The following KIAA1549L variants were observed in gnomAD, a reference collection of about 807,000 sequenced individuals.
KIAA1549L encodes the protein UPF0606 protein KIAA1549L.
In KIAA1549L, 88 loss-of-function variants were observed where a neutral mutation model predicts 160.7. That is an observed-to-expected ratio of 0.55 (90% CI 0.46 to 0.65). The LOEUF (loss-of-function observed/expected upper bound fraction) is 0.65. Among genes scored for constraint, KIAA1549L ranks in the 30% least tolerant of loss-of-function variants. The probability of loss-of-function intolerance (pLI) is 0.00; values close to 1 mark genes in which losing one functional copy is unlikely to be tolerated. For synonymous variants in KIAA1549L, 950 were observed against 976.7 expected, an observed-to-expected ratio of 0.97 and a Z score of 0.51; for missense variants, 2,258 against 2,437.5, an observed-to-expected ratio of 0.93 and a Z score of 1.55.
At chr11:33,417,192 C>T (rs1035507545) in intron 1 of KIAA1549L, among the ~76,000 whole-genome samples, 5 of 152,136 alleles carry the variant, frequency 3.3e-5, no homozygotes, top group East Asian at 1.9e-4. Context: ...CATACAACAT[C>T]GGACAATACA....
intron 9 of KIAA1549L, among the ~76,000 whole-genome samples, chr11:33,569,836 T>G (rs1855183643): frequency 6.6e-6 from 1 of 152,176 alleles, no homozygotes; most frequent in South Asian, 2.1e-4. Flanking sequence ...CTTTTCCAAA[T>G]GACAGGAAGA....
chr11:33,487,560 C>G (rs1305402803), intron 1 of KIAA1549L, among the ~76,000 whole-genome samples: 1 of 152,122 alleles, frequency 6.6e-6, no homozygotes, highest in African/African-American at 2.4e-5. Context: ...GGTGGCCATT[C>G]TTTTCTGCCT....
chr11:33,420,635 G>T (rs886402700), intron 1 of KIAA1549L, among the ~76,000 whole-genome samples: 5 of 152,122 alleles, frequency 3.3e-5, no homozygotes, highest in African/African-American at 9.7e-5. Context: ...AAGAGAGTGA[G>T]GACTGAACCA....
intron 1 of KIAA1549L, among the ~76,000 whole-genome samples, chr11:33,530,099 A>T (rs189516007): frequency 4.5e-4 from 69 of 152,108 alleles, no homozygotes; most frequent in African/African-American, 1.6e-3. Flanking sequence ...GTAAAAATTA[A>T]TATGAAACCT....
intron 12 of KIAA1549L, among the ~76,000 whole-genome samples, chr11:33,596,548 G>A (rs1313349380): frequency 6.6e-6 from 1 of 152,106 alleles, no homozygotes; most frequent in East Asian, 1.9e-4. Flanking sequence ...ACCAGCCTGG[G>A]CAACATGATG....
intron 1 of KIAA1549L, among the ~76,000 whole-genome samples, chr11:33,401,900 G>A (rs961944094): frequency 3.3e-5 from 5 of 152,294 alleles, no homozygotes; most frequent in East Asian, 1.9e-4. Context: ...TCAAAGATGC[G>A]GAAGCCAGGT....
chr11:33,648,934 A>G (rs556700562), intron 17 of KIAA1549L, among the ~76,000 whole-genome samples: 2 of 152,336 alleles, frequency 1.3e-5, no homozygotes, highest in East Asian at 3.9e-4. Context: ...TGTCTACTGG[A>G]CACAGCTAAG....
At chr11:33,583,885 A>G (rs1007977178) in intron 11 of KIAA1549L, among the ~76,000 whole-genome samples, 48 of 152,226 alleles carry the variant, frequency 3.2e-4, no homozygotes, top group Admixed American at 2.0e-4. Flanking sequence ...TTTCAAGGTC[A>G]TATGGTTGGT....
chr11:33,411,234 T>C (rs1203415820), intron 1 of KIAA1549L, among the ~76,000 whole-genome samples: 1 of 152,244 alleles, frequency 6.6e-6, no homozygotes, highest in Non-Finnish European at 1.5e-5. Flanking sequence ...GACCACCCTC[T>C]AATCTGAGAT....
intron 1 of KIAA1549L, among the ~76,000 whole-genome samples, chr11:33,434,875 C>T (rs1297657514): frequency 7.9e-5 from 12 of 152,160 alleles, no homozygotes; most frequent in Non-Finnish European, 1.5e-5. Flanking sequence ...AACTTATTTC[C>T]CATCCTCTGG....
chr11:33,563,808 A>T (rs1854957054), intron 8 of KIAA1549L, among the ~76,000 whole-genome samples: 1 of 152,152 alleles, frequency 6.6e-6, no homozygotes, highest in African/African-American at 2.4e-5. Flanking sequence ...GTTTTTTTTA[A>T]CATGGAGATA....
intron 1 of KIAA1549L, among the ~76,000 whole-genome samples, chr11:33,508,158 G>A (rs1181845363): frequency 6.6e-6 from 1 of 152,306 alleles, no homozygotes; most frequent in East Asian, 1.9e-4. Context: ...CTGCTCCAGG[G>A]AACCTAATTC....
chr11:33,376,914 C>G lies in KIAA1549L; in HGVS notation c.238+25C>G, dbSNP rs1274260742. 1 of 152,388 alleles carries G rather than the reference C, an allele frequency of 6.6e-6. No individual in the cohort carries two copies. Among genetic ancestry groups the G allele is most frequent in the East Asian group, 1.9e-4 (1 of 5,182 alleles). 9.4% of individuals were successfully genotyped at this position (152,388 alleles called of 1,614,324 possible). A position where few individuals can be genotyped will look rare whatever the true frequency, so the allele number is the denominator to read the frequency against. ...GGTAAGCGCTCGGCGGCGGGGCGTC[C>G]GCGGAGGTTTCTGGAGGAGCGGGGC... is the stretch of plus-strand genomic sequence containing the variant. On this transcript the variant is annotated intron_variant, in intron 1 of 20. Transcript: ENST00000658780. The surrounding 1 kb of genome is among the most constrained non-coding windows in gnomAD (Gnocchi z 5.8).
Position 33,598,835 on chromosome 11 carries a change from G to T in KIAA1549L, c.4767G>T (p.Glu1589Asp), listed in dbSNP as rs1287580489. 1 of 1,613,800 alleles carries T rather than the reference G, an allele frequency of 6.2e-7. No individual in the cohort carries two copies. Among genetic ancestry groups the T allele is most frequent in the Non-Finnish European group, 8.5e-7 (1 of 1,179,860 alleles). Residue 1589 changes from glutamate to aspartate, a missense_variant, in exon 13 of 21, where the codon GAG (glutamate) becomes GAT (aspartate). Coordinates refer to ENST00000658780, the MANE Select transcript of KIAA1549L (RefSeq NM_012194.3). ...TETRKSRSPS[E>D]NGSVISNESG... ...TTACCTCCAGCAGGTCGCCCAGTGA[G>T]AATGGCTCTGTCATCAGCAACGAAT...
chr11:33,654,731 G>A (rs777700557), intron 17 of KIAA1549L, among the ~76,000 whole-genome samples: 2 of 152,186 alleles, frequency 1.3e-5, no homozygotes, highest in African/African-American at 4.8e-5. Context: ...TCTGGTTTCA[G>A]CTCATGGTTT....
At chr11:33,393,233 A>G (rs1219018322) in intron 1 of KIAA1549L, among the ~76,000 whole-genome samples, 1 of 152,130 alleles carries the variant, frequency 6.6e-6, no homozygotes, top group African/African-American at 2.4e-5. Flanking sequence ...AGCCCTTCCC[A>G]GCCTTGTCTG....
intron 1 of KIAA1549L, among the ~76,000 whole-genome samples, chr11:33,479,860 A>C (rs1852372523): frequency 6.6e-6 from 1 of 152,204 alleles, no homozygotes; most frequent in Non-Finnish European, 1.5e-5. Flanking sequence ...GCAAGGTAGC[A>C]GAAGAGAGGC....
At chr11:33,424,392 A>G (rs779043774) in intron 1 of KIAA1549L, among the ~76,000 whole-genome samples, 5 of 152,210 alleles carry the variant, frequency 3.3e-5, no homozygotes, top group Non-Finnish European at 5.9e-5. Context: ...AAGAGTTTCT[A>G]TGGGAAACCA....
chr11:33,384,200 C>A (rs1460226282), intron 1 of KIAA1549L, among the ~76,000 whole-genome samples: 1 of 152,196 alleles, frequency 6.6e-6, no homozygotes, highest in Admixed American at 6.6e-5. Context: ...TTTGCCTTTC[C>A]CAGAAGGTCG....
Sources: allele counts gnomAD v4.1 joint callset (sites outside exome capture counted in the v4.1 genomes callset), GRCh38; gene constraint gnomAD v4.1.1; non-coding constraint Gnocchi (gnomAD v3.1); transcripts MANE v1.5; gene names NCBI Gene and HGNC (gene_info 2026-07-23, HGNC 2026-07-21).